RC3H1: variants seen among roughly 807,000 people sequenced by gnomAD.
The protein encoded by RC3H1 is roquin-1.
Under a neutral mutation model 138.2 loss-of-function variants are expected in RC3H1, and 50 were observed. The ratio of observed to expected loss-of-function variants is 0.36; its 90% CI spans 0.29 to 0.46. The LOEUF is 0.46. Among genes scored for constraint, RC3H1 ranks in the 20% least tolerant of loss-of-function variants. RC3H1 has a pLI of 1.00. For synonymous variants in RC3H1, 462 were observed against 489.1 expected, an observed-to-expected ratio of 0.94 and a Z score of 0.73; for missense variants, 1,031 against 1,388.1, an observed-to-expected ratio of 0.74 and a Z score of 4.09.
chr1:173,967,250 G>C (rs953184002), intron 9 of RC3H1, among the ~76,000 whole-genome samples: 3 of 152,164 alleles, frequency 2.0e-5, no homozygotes, highest in East Asian at 1.9e-4. Flanking sequence ...GAGCCTGGAA[G>C]TCGAGGCTGC....
intron 1 of RC3H1, among the ~76,000 whole-genome samples, chr1:173,998,714 A>G (rs898860160): frequency 6.6e-6 from 1 of 152,202 alleles, no homozygotes; most frequent in African/African-American, 2.4e-5. Context: ...TTAAATCTCT[A>G]AACTTTTATC....
At chr1:174,010,589 T>A (rs1047774812) in intron 1 of RC3H1, among the ~76,000 whole-genome samples, 2 of 151,862 alleles carry the variant, frequency 1.3e-5, no homozygotes, top group Admixed American at 6.6e-5. Flanking sequence ...GTTTTTTTAA[T>A]TTTTTTTATA....
At chr1:174,009,064 A>G (rs1661705726) in intron 1 of RC3H1, among the ~76,000 whole-genome samples, 1 of 151,744 alleles carries the variant, frequency 6.6e-6, no homozygotes, top group Admixed American at 6.6e-5. Context: ...CTGCTGCTGT[A>G]TCAGAATCAA....
intron 2 of RC3H1, among the ~76,000 whole-genome samples, chr1:173,992,444 G>C (rs144494147): frequency 6.6e-6 from 1 of 151,942 alleles, no homozygotes; most frequent in South Asian, 2.1e-4. Context: ...CACCACACCC[G>C]GCCTTAGGTT....
Position 173,984,618 on chromosome 1 carries a change from A to G in RC3H1, c.233T>C (p.Val78Ala), listed in dbSNP as rs1660950320. 2 of 1,611,392 alleles carry G rather than the reference A, an allele frequency of 1.2e-6. No individual in the cohort carries two copies. Among genetic ancestry groups the G allele is most frequent in the Non-Finnish European group, 1.7e-6 (2 of 1,179,266 alleles). Residue 78 changes from valine (V) to alanine (A), a missense_variant and splice_region_variant, in exon 3 of 20, where the codon GTC (valine) becomes GCC (alanine). By Grantham distance (64) the Val-to-Ala change is moderately conservative. Coordinates refer to ENST00000367696, the MANE Select transcript of RC3H1 (RefSeq NM_172071.4). ...SALLQLVGAQ[V>A]PEQQPITLCS... ...CAAAGTAATAGGCTGCTGCTCAGGGACCTGGAGGCCAAAAGAAAAGATCTG... is the reference window on the plus strand; with the variant it reads ...CAAAGTAATAGGCTGCTGCTCAGGGGCCTGGAGGCCAAAAGAAAAGATCTG...
intron 8 of RC3H1, 56 bp downstream of exon 8, chr1:173,972,453 T>C (rs921196986): frequency 2.5e-6 from 3 of 1,209,190 alleles, no homozygotes; most frequent in Admixed American, 1.7e-5. Context: ...GGTTTACCTA[T>C]AGTTTTAAGG....
chr1:173,960,163 A>G (rs1052100359), intron 13 of RC3H1, among the ~76,000 whole-genome samples: 1 of 148,776 alleles, frequency 6.7e-6, no homozygotes, highest in Non-Finnish European at 1.5e-5. Context: ...GGTGGTGTGC[A>G]CCTGCAGTCC....
In RC3H1 at chr1:173,965,051, C is replaced by G; in HGVS notation, c.1404G>C (p.Glu468Asp). The G allele has an allele frequency of 6.2e-7, 1 of 1,614,176 alleles. No individual in the cohort carries two copies. The highest frequency in any genetic ancestry group is 8.5e-7 in the Non-Finnish European group (1 of 1,180,042). The change falls in exon 10 of 20, where the codon GAG becomes GAC. Residue 468 changes from glutamate to aspartate, a missense_variant. Physicochemically the swap from Glu to Asp is conservative, Grantham distance 45. Transcript: ENST00000367696. ...PLSASLGQLNEVGLPSAAILP... is the reference protein window; with the variant it reads ...PLSASLGQLNDVGLPSAAILP... ...GGATAGCTGCTGAAGGCAGGCCCAC[C>G]TCATTAAGTTGACCCAAAGAGGCAC...
At chr1:173,985,914 C>T (rs1332620894) in intron 2 of RC3H1, among the ~76,000 whole-genome samples, 1 of 152,148 alleles carries the variant, frequency 6.6e-6, no homozygotes, top group African/African-American at 2.4e-5. Flanking sequence ...AGATCCTTTG[C>T]CCATTTTGCC....
At position 173,936,883 on chromosome 1, in the gene RC3H1, G is replaced by A. The variant is rs1402969859; in HGVS notation, c.*1838C>T. On this transcript the variant is annotated 3_prime_UTR_variant, in exon 20 of 20. Transcript: ENST00000367696. Reference sequence around the variant, plus strand: ...TCGGTCAATTTATCGCAACAGCTGCGCTCATGCGAAAAAATCCTTAAAACA... The same window carrying A: ...TCGGTCAATTTATCGCAACAGCTGCACTCATGCGAAAAAATCCTTAAAACA... The A allele has an allele frequency of 1.4e-5, 2 of 143,014 alleles. No homozygotes were observed. The highest frequency in any genetic ancestry group is 3.0e-5 in the Non-Finnish European group (2 of 66,224). 8.9% of individuals were successfully genotyped at this position (143,014 alleles called of 1,614,324 possible). A position where few individuals can be genotyped will look rare whatever the true frequency, so the allele number is the denominator to read the frequency against.
Position 173,978,594 on chromosome 1 carries a change from C to G in RC3H1, c.996G>C (p.Gln332His). 1 of 1,613,804 alleles carries G rather than the reference C, an allele frequency of 6.2e-7. No homozygotes were observed. The highest frequency in any genetic ancestry group is 8.5e-7 in the Non-Finnish European group (1 of 1,179,840). Residue 332 changes from glutamine (Q) to histidine (H), a missense_variant, in exon 7 of 20, where the codon CAG (glutamine) becomes CAC (histidine). Physicochemically the swap from Gln to His is conservative, Grantham distance 24. Transcript: ENST00000367696. ...DKLQTPASFA[Q>H]SVQELTIALQ... ...GAGCAATTGTTAGTTCCTGAACACT[C>G]TGTGCAAAAGAGGCTGGAGTCTGCA... is the stretch of plus-strand genomic sequence containing the variant.
chr1:174,005,356 G>A (rs905903201), intron 1 of RC3H1, among the ~76,000 whole-genome samples: 16 of 152,262 alleles, frequency 1.1e-4, no homozygotes, highest in Middle Eastern at 3.4e-3. Context: ...AGAATTGTAA[G>A]CGAATAAAAC....
chr1:173,962,085 A>G lies in RC3H1; in HGVS notation c.1842T>C (p.Tyr614=). Residue 614 remains tyrosine (Y), a synonymous_variant, in exon 12 of 20, where the codon TAT becomes TAC. Transcript: ENST00000367696. ...GGGACACACATTGTGGTGGTGGAGT[A>G]TAATACATACCTGCACAATACAAAA... ...EPAPYQQGMY[Y]TPPPQCVSRF... 6.2e-7 allele frequency: 1 copy of G among 1,613,114 alleles called. No homozygotes were observed. Among genetic ancestry groups the G allele is most frequent in the Non-Finnish European group, 8.5e-7 (1 of 1,179,562 alleles).
At chr1:173,984,706 C>T in intron 2 of RC3H1, 87 bp from the exon 3 acceptor site, 2 of 1,344,630 alleles carry the variant, frequency 1.5e-6, no homozygotes, top group Admixed American at 2.6e-5. Flanking sequence ...AATGCTGACA[C>T]TGGTAACATC....
At chr1:173,942,747 G>A (rs912338311) in intron 18 of RC3H1, among the ~76,000 whole-genome samples, 6 of 151,368 alleles carry the variant, frequency 4.0e-5, no homozygotes, top group Non-Finnish European at 8.8e-5. Context: ...GGAGAATGGC[G>A]TGAACCCGGG....
rs1296465379 is a variant in RC3H1 at position 173,941,982 on chromosome 1, T to G, written c.3136-602A>C. The stretch of plus-strand genomic sequence containing the variant: ...GGCTAGGCATGGTGGCTCACACCAG[T>G]AATCCCAGCACTTTGGGAGGCTGAG... On this transcript the variant is annotated intron_variant, in intron 18 of 19. Transcript: ENST00000367696. 2.1e-5 allele frequency among the ~76,000 whole-genome samples: 3 copies of G among 143,734 alleles called. No individual in the cohort carries two copies. In the South Asian group the frequency reaches 6.6e-4, roughly 32 times the overall value. 94.3% of individuals were successfully genotyped at this position (143,734 alleles called of 152,430 possible). A position where few individuals can be genotyped will look rare whatever the true frequency, so the allele number is the denominator to read the frequency against.
chr1:173,996,912 T>C (rs61826779), intron 1 of RC3H1, among the ~76,000 whole-genome samples: 14,137 of 151,626 alleles, frequency 0.093, 880 homozygotes, highest in East Asian at 0.22. Flanking sequence ...GCAAAGGAAT[T>C]CTGTTTTTTT....
In RC3H1 at chr1:173,939,943, T is replaced by A. The variant is rs148781328; in HGVS notation, c.3252-1072A>T. Among the ~76,000 whole-genome samples the A allele has an allele frequency of 1.1e-3, 173 of 152,288 alleles. 1 individual carries two copies. Among genetic ancestry groups the A allele is most frequent in the African/African-American group, 4.1e-3 (170 of 41,572 alleles). On this transcript the variant is annotated intron_variant, in intron 19 of 19. Coordinates refer to ENST00000367696, the MANE Select transcript of RC3H1 (RefSeq NM_172071.4). ...TGTTATATATCATCAGGGGGGCAAC[T>A]TAGGACTATGCATTCAAAAGCCTCA...
chr1:174,006,984 C>T (rs944666516), intron 1 of RC3H1, among the ~76,000 whole-genome samples: 1 of 152,146 alleles, frequency 6.6e-6, no homozygotes, highest in Non-Finnish European at 1.5e-5. Context: ...TTATCAGCAT[C>T]TCAAAAGGCC....
Sources: allele counts gnomAD v4.1 joint callset (sites outside exome capture counted in the v4.1 genomes callset), GRCh38; gene constraint gnomAD v4.1.1; transcripts MANE v1.5; gene names NCBI Gene and HGNC (gene_info 2026-07-23, HGNC 2026-07-21).